Variants in CNKSR3 observed in about 807,000 individuals in gnomAD.
The protein encoded by CNKSR3 is CNKSR family member 3.
Under a neutral mutation model 67.7 loss-of-function variants are expected in CNKSR3, and 36 were observed. The observed-to-expected ratio is 0.53, with a 90% CI of 0.41 to 0.70. The LOEUF (loss-of-function observed/expected upper bound fraction) is 0.70, where lower values mean the gene tolerates loss of function less well. Ranked by LOEUF, CNKSR3 falls within the 30% of genes least tolerant of loss-of-function variation. The pLI is 0.00. For missense variants in CNKSR3, 630 were observed against 695.2 expected, an observed-to-expected ratio of 0.91 and a Z score of 1.05; for synonymous variants, 281 against 271.4, an observed-to-expected ratio of 1.04 and a Z score of -0.35.
Position 154,403,969 on chromosome 6 carries a change from C to T in CNKSR3, c.*2385G>A, listed in dbSNP as rs1360365244. ...TGGGGAGTAAGAGGAGATGTTGCCA[C>T]CCACTTCCTGGGCATAAAGCCAGCT... On this transcript the variant is annotated 3_prime_UTR_variant, in exon 13 of 13. Coordinates refer to ENST00000607772, the MANE Select transcript of CNKSR3 (RefSeq NM_173515.4). 6.6e-6 allele frequency: 1 copy of T among 152,204 alleles called. No individual in the cohort carries two copies. The highest frequency in any genetic ancestry group is 1.5e-5 in the Non-Finnish European group (1 of 68,074). 9.4% of individuals were successfully genotyped at this position (152,204 alleles called of 1,614,324 possible).
rs140941407 is a variant in CNKSR3, at chr6:154,489,681, T to C, written c.52+20382A>G. On this transcript the variant is annotated intron_variant, in intron 1 of 12. Transcript: ENST00000607772. ...TGGATTATATTGTTTATCTTACATG[T>C]ACCCTTCTTTGGGGGCGTGGGGTTA... 1.5e-4 allele frequency among the ~76,000 whole-genome samples: 23 copies of C among 152,280 alleles called. No individual in the cohort carries two copies. The East Asian group carries it at 4.4e-3, about 29-fold the overall frequency.
chr6:154,506,155 G>T (rs1255739716), intron 1 of CNKSR3, among the ~76,000 whole-genome samples: 1 of 152,016 alleles, frequency 6.6e-6, no homozygotes, highest in Non-Finnish European at 1.5e-5. Flanking sequence ...CCTGTTGCCT[G>T]CCTACCAATA....
intron 6 of CNKSR3, 73 bp downstream of exon 6, chr6:154,430,399 G>A: frequency 1.4e-6 from 2 of 1,389,676 alleles, no homozygotes; most frequent in Non-Finnish European, 2.0e-6. Context: ...AAAGCAATAA[G>A]GAATTTTTTT....
At chr6:154,434,227 C>T (rs1785425944) in intron 4 of CNKSR3, among the ~76,000 whole-genome samples, 2 of 152,164 alleles carry the variant, frequency 1.3e-5, no homozygotes, top group Admixed American at 1.3e-4. Flanking sequence ...CTAAAAGCTG[C>T]CAAAGTGAAA....
In CNKSR3 at chr6:154,459,803, T is replaced by C. The variant is rs6908687; in HGVS notation, c.53-9545A>G. 2.4e-3 allele frequency among the ~76,000 whole-genome samples: 364 copies of C among 152,260 alleles called. 4 individuals are homozygous for C. The highest frequency in any genetic ancestry group is 8.3e-3 in the African/African-American group (344 of 41,542). On this transcript the variant is annotated intron_variant, in intron 1 of 12. Coordinates refer to ENST00000607772, the MANE Select transcript of CNKSR3 (RefSeq NM_173515.4). ...GCAAACACATCCATGCCAGGATAAT[T>C]TAAGAAAGTAAAAATAGAAGGAATA...
chr6:154,414,833 C>CT, intron 9 of CNKSR3: 1 of 472,166 alleles, frequency 2.1e-6, no homozygotes, highest in Non-Finnish European at 4.4e-6. Context: ...CGGTTCTTGC[C>CT]TGTTACCCCA....
At chr6:154,508,678 G>A (rs534122498) in intron 1 of CNKSR3, among the ~76,000 whole-genome samples, 4 of 152,200 alleles carry the variant, frequency 2.6e-5, no homozygotes, top group African/African-American at 9.6e-5. Context: ...TTTACCAAGG[G>A]AAACCTAGTC....
At chr6:154,492,753 AAAAAAC>A (rs1434408438) in intron 1 of CNKSR3, among the ~76,000 whole-genome samples, 69 of 150,972 alleles carry the variant, frequency 4.6e-4, no homozygotes, top group African/African-American at 1.5e-3. Context: ...CTCAAAAAAA[AAAAAAC>A]AAAAAACAAA....
intron 10 of CNKSR3, among the ~76,000 whole-genome samples, chr6:154,411,586 A>G (rs1035403940): frequency 6.8e-6 from 1 of 147,724 alleles, no homozygotes; most frequent in African/African-American, 2.5e-5. Flanking sequence ...GTGAGCTGAG[A>G]TCATGCCACT....
Position 154,434,982 on chromosome 6 carries a change from T to A in CNKSR3, c.508-1475A>T, listed in dbSNP as rs1009673728. Among the ~76,000 whole-genome samples the A allele has an allele frequency of 7.3e-5, 11 of 151,122 alleles. No individual in the cohort carries two copies. The Admixed American group carries it at 7.3e-4, about 10-fold the overall frequency. On this transcript the variant is annotated intron_variant, in intron 4 of 12. Transcript: ENST00000607772. ...TACTTTATCTTTGTGTCTATAATCT[T>A]TCACTACAAATTCCTTTTTTTTTTT...
chr6:154,504,354 C>T (rs1410058350), intron 1 of CNKSR3, among the ~76,000 whole-genome samples: 1 of 152,212 alleles, frequency 6.6e-6, no homozygotes, highest in Non-Finnish European at 1.5e-5. Flanking sequence ...GATAAGAATA[C>T]ACCTTATGAA....
At chr6:154,501,500 C>T (rs935337071) in intron 1 of CNKSR3, among the ~76,000 whole-genome samples, 2 of 152,140 alleles carry the variant, frequency 1.3e-5, no homozygotes, top group Non-Finnish European at 2.9e-5. Context: ...CTCATGACCC[C>T]ACCACAACTT....
chr6:154,415,228 A>ATTTTTTTTTT lies in CNKSR3; in HGVS notation c.946-815_946-806dup, dbSNP rs35873703. 1.8e-3 allele frequency among the ~76,000 whole-genome samples: 212 copies of ATTTTTTTTTT among 118,090 alleles called. 14 individuals are homozygous for ATTTTTTTTTT. The highest frequency in any genetic ancestry group is 0.016 in the South Asian group (52 of 3,204). 77.5% of individuals were successfully genotyped at this position (118,090 alleles called of 152,430 possible). A position where few individuals can be genotyped will look rare whatever the true frequency, so the allele number is the denominator to read the frequency against. Reference sequence around the variant, plus strand: ...TCCTGGCTAGACTTACTAGCTGCCCATTTTTTTTTTTTTTTTTTTTAAGAT... The same window carrying ATTTTTTTTTT: ...TCCTGGCTAGACTTACTAGCTGCCCATTTTTTTTTTTTTTTTTTTTTTTTTTTTTTAAGAT... On this transcript the variant is annotated intron_variant, in intron 9 of 12. Transcript: ENST00000607772.
At chr6:154,410,912 A>G (rs1784896006) in intron 11 of CNKSR3, 22 bp downstream of exon 11, 1 of 1,590,334 alleles carries the variant, frequency 6.3e-7, no homozygotes. Flanking sequence ...ACGGCAGAAC[A>G]AAACAAACAC....
chr6:154,428,916 C>G (rs763943327), intron 6 of CNKSR3, among the ~76,000 whole-genome samples: 1 of 152,156 alleles, frequency 6.6e-6, no homozygotes, highest in Non-Finnish European at 1.5e-5. Flanking sequence ...ACTATTAAAG[C>G]TACTAATAAT....
chr6:154,463,685 A>G lies in CNKSR3; in HGVS notation c.53-13427T>C, dbSNP rs9479869. On this transcript the variant is annotated intron_variant, in intron 1 of 12. Transcript: ENST00000607772. The stretch of plus-strand genomic sequence containing the variant: ...TTTCCCAGATCCTATGCTGCTTGAT[A>G]TGAATCTCTAGGGTCCTCTCATCTT... Among the ~76,000 whole-genome samples, 944 of 152,294 alleles carry G rather than the reference A, an allele frequency of 6.2e-3. 11 individuals carry two copies. Among genetic ancestry groups the G allele is most frequent in the African/African-American group, 0.021 (893 of 41,562 alleles).
rs150575130 is a variant in CNKSR3 at position 154,458,228 on chromosome 6, C to T, written c.53-7970G>A. Among the ~76,000 whole-genome samples the T allele has an allele frequency of 2.5e-3, 385 of 152,302 alleles. 2 individuals are homozygous for T. The highest frequency in any genetic ancestry group is 6.5e-4 in the Non-Finnish European group (44 of 68,030). On this transcript the variant is annotated intron_variant, in intron 1 of 12. Coordinates refer to ENST00000607772, the MANE Select transcript of CNKSR3 (RefSeq NM_173515.4). Reference sequence around the variant, plus strand: ...GCGATGAGTACAGAGTGATGATGACCTCTGCCGACCAGAAAAATAGACTCC... The same window carrying T: ...GCGATGAGTACAGAGTGATGATGACTTCTGCCGACCAGAAAAATAGACTCC...
chr6:154,390,108 A>G lies in CNKSR3; in HGVS notation c.*16246T>C, dbSNP rs754630988. ...AATAAAAGGAACACCCCATGTACCCATTATCCTAACCAAGAACTAGAATAT... is the reference window on the plus strand; with the variant it reads ...AATAAAAGGAACACCCCATGTACCCGTTATCCTAACCAAGAACTAGAATAT... On this transcript the variant is annotated 3_prime_UTR_variant, in exon 13 of 13. Transcript: ENST00000607772. 1 of 152,182 alleles carries G rather than the reference A, an allele frequency of 6.6e-6. No individual in the cohort carries two copies. Among genetic ancestry groups the G allele is most frequent in the Non-Finnish European group, 1.5e-5 (1 of 68,034 alleles). The allele number at this position is 152,182 out of a possible 1,614,324, so 9.4% of individuals were successfully genotyped here.
At chr6:154,459,818 T>C (rs193040392) in intron 1 of CNKSR3, among the ~76,000 whole-genome samples, 22 of 152,288 alleles carry the variant, frequency 1.4e-4, no homozygotes, top group Admixed American at 2.6e-4. Context: ...AAAGTAAAAA[T>C]AGAAGGAATA....
Sources: allele counts gnomAD v4.1 joint callset (sites outside exome capture counted in the v4.1 genomes callset), GRCh38; gene constraint gnomAD v4.1.1; transcripts MANE v1.5; gene names NCBI Gene and HGNC (gene_info 2026-07-23, HGNC 2026-07-21).